UBE2QL1: variants seen among roughly 807,000 people sequenced by gnomAD.
UBE2QL1 encodes ubiquitin-conjugating enzyme E2Q-like protein 1.
UBE2QL1 carries 5 observed loss-of-function variants against 12.6 expected under a neutral mutation model. The observed-to-expected ratio is 0.40, with a 90% CI of 0.21 to 0.83. The LOEUF (loss-of-function observed/expected upper bound fraction) is 0.83. UBE2QL1 is among the 40% of genes least tolerant of loss of function. The probability of loss-of-function intolerance (pLI) is 0.37; values close to 1 mark genes in which losing one functional copy is unlikely to be tolerated. For synonymous variants in UBE2QL1, 96 were observed against 94.5 expected, an observed-to-expected ratio of 1.02 and a Z score of -0.10; for missense variants, 99 against 222.6, an observed-to-expected ratio of 0.44 and a Z score of 3.53.
At chr5:6,484,615 G>A (rs1164033267) in intron 1 of UBE2QL1, among the ~76,000 whole-genome samples, 1 of 152,140 alleles carries the variant, frequency 6.6e-6, no homozygotes, top group East Asian at 1.9e-4. Context: ...AGCTGAGCAC[G>A]GAGCAGTCAC....
intron 1 of UBE2QL1, among the ~76,000 whole-genome samples, chr5:6,450,700 C>G (rs1739396650): frequency 6.6e-6 from 1 of 152,194 alleles, no homozygotes; most frequent in African/African-American, 2.4e-5. Flanking sequence ...AAACAAATAG[C>G]ATCCTAACTC....
At chr5:6,459,801 A>C (rs116526057) in intron 1 of UBE2QL1, among the ~76,000 whole-genome samples, 1 of 152,164 alleles carries the variant, frequency 6.6e-6, no homozygotes, top group African/African-American at 2.4e-5. Flanking sequence ...ACATTTGCCT[A>C]TTGGTGACAA....
At chr5:6,482,915 T>A (rs1332495185) in intron 1 of UBE2QL1, among the ~76,000 whole-genome samples, 1 of 152,142 alleles carries the variant, frequency 6.6e-6, no homozygotes, top group Non-Finnish European at 1.5e-5. Flanking sequence ...GGACACCTGC[T>A]CCTGCAGAGA....
intron 1 of UBE2QL1, among the ~76,000 whole-genome samples, chr5:6,471,037 A>G (rs1366059007): frequency 6.6e-6 from 1 of 152,022 alleles, no homozygotes; most frequent in Non-Finnish European, 1.5e-5. Context: ...CATATTTTCT[A>G]TTTTATTCAG....
At chr5:6,459,145 C>T (rs1275675494) in intron 1 of UBE2QL1, among the ~76,000 whole-genome samples, 6 of 152,182 alleles carry the variant, frequency 3.9e-5, no homozygotes, top group Admixed American at 3.9e-4. Flanking sequence ...CTCCAGAGCC[C>T]TGCTGACTTC....
intron 1 of UBE2QL1, among the ~76,000 whole-genome samples, chr5:6,453,142 G>A (rs1432427893): frequency 6.6e-6 from 1 of 152,168 alleles, no homozygotes; most frequent in Non-Finnish European, 1.5e-5. Flanking sequence ...AGAGAACATA[G>A]GATGTTTGAG....
chr5:6,484,811 C>T (rs1436778740), intron 1 of UBE2QL1, among the ~76,000 whole-genome samples: 1 of 151,926 alleles, frequency 6.6e-6, no homozygotes, highest in Admixed American at 6.6e-5. Context: ...CTGGTTAGTG[C>T]TGGGTCGGGT....
Position 6,491,540 on chromosome 5 carries a change from GGATT to G in UBE2QL1, c.*192_*195del, listed in dbSNP as rs1734570350. On this transcript the variant is annotated 3_prime_UTR_variant, in exon 2 of 2. Transcript: ENST00000399816. ...GAGGAAGAGGGAGCAAATGCCGTTC[GGATT>G]ATGTTTCGATTATAAATGAATGATC... 3.1e-6 allele frequency: 2 copies of G among 643,398 alleles called. No homozygotes were observed. Among genetic ancestry groups the G allele is most frequent in the Non-Finnish European group, 4.7e-6 (2 of 428,994 alleles). 39.9% of individuals were successfully genotyped at this position (643,398 alleles called of 1,614,324 possible).
chr5:6,491,236 G>T lies in UBE2QL1; in HGVS notation c.373G>T (p.Ala125Ser). 6.4e-7 allele frequency: 1 copy of T among 1,551,054 alleles called. No individual in the cohort carries two copies. Among genetic ancestry groups the T allele is most frequent in the Non-Finnish European group, 8.7e-7 (1 of 1,146,694 alleles). ...CACGCAGGGACGGATCTGTAGAAAA[G>T]CTGGCAAATCAAAAAAGTCCTTCAG... ...VKGQGRICRK[A>S]GKSKKSFSRK... Residue 125 changes from alanine to serine, a missense_variant, in exon 2 of 2, where the codon GCT becomes TCT. By Grantham distance (99) the Ala-to-Ser change is moderately conservative. Transcript: ENST00000399816.
In UBE2QL1 at chr5:6,492,288, C is replaced by T. The variant is rs548708255; in HGVS notation, c.*939C>T. 6.6e-6 allele frequency: 1 copy of T among 152,326 alleles called. No homozygotes were observed. Among genetic ancestry groups the T allele is most frequent in the African/African-American group, 2.4e-5 (1 of 41,558 alleles). 9.4% of individuals were successfully genotyped at this position (152,326 alleles called of 1,614,324 possible). ...TATCTGTGCTAGTGACAATGAATGT[C>T]AGAACTGCCAAAGGATACCAAGTGA... is the stretch of plus-strand genomic sequence containing the variant. On this transcript the variant is annotated 3_prime_UTR_variant, in exon 2 of 2. Coordinates refer to ENST00000399816, the MANE Select transcript of UBE2QL1 (RefSeq NM_001145161.3).
At chr5:6,463,598 G>GTTGTTGTTA (rs1553988055) in intron 1 of UBE2QL1, among the ~76,000 whole-genome samples, 1 of 137,308 alleles carries the variant, frequency 7.3e-6, no homozygotes, top group African/African-American at 2.7e-5. Context: ...TATTTGTGCT[G>GTTGTTGTTA]TTATTATTAT....
At chr5:6,482,715 G>A (rs1298956727) in intron 1 of UBE2QL1, among the ~76,000 whole-genome samples, 1 of 152,220 alleles carries the variant, frequency 6.6e-6, no homozygotes, top group East Asian at 1.9e-4. Context: ...TGGAGGCCAG[G>A]AGGCTGCTGA....
At chr5:6,458,405 A>C (rs1439604735) in intron 1 of UBE2QL1, among the ~76,000 whole-genome samples, 1 of 152,238 alleles carries the variant, frequency 6.6e-6, no homozygotes, top group Non-Finnish European at 1.5e-5. Context: ...TTTGATCTTG[A>C]AGATCAGACA....
rs1470197126 is a variant in UBE2QL1 at position 6,491,395 on chromosome 5, A to T, written c.*46A>T. ...CGCTCGAGCGCCTGTCCACACACAC[A>T]CCAGTACCCTGACATCTCCTCAATG... On this transcript the variant is annotated 3_prime_UTR_variant, in exon 2 of 2. Transcript: ENST00000399816. The T allele has an allele frequency of 6.6e-7, 1 of 1,508,108 alleles. No homozygotes were observed. The highest frequency in any genetic ancestry group is 1.4e-5 in the African/African-American group (1 of 71,372). The allele number at this position is 1,508,108 out of a possible 1,614,324, so 93.4% of individuals were successfully genotyped here. A position where few individuals can be genotyped will look rare whatever the true frequency, so the allele number is the denominator to read the frequency against.
At chr5:6,472,424 C>T (rs1457594712) in intron 1 of UBE2QL1, among the ~76,000 whole-genome samples, 3 of 152,094 alleles carry the variant, frequency 2.0e-5, no homozygotes, top group East Asian at 3.9e-4. Flanking sequence ...AGCGGCCGAT[C>T]GACACACTTC....
chr5:6,451,217 A>G (rs1001239943), intron 1 of UBE2QL1, among the ~76,000 whole-genome samples: 1 of 148,838 alleles, frequency 6.7e-6, no homozygotes, highest in South Asian at 2.1e-4. Flanking sequence ...GAAAGATGCG[A>G]GAAAACAAAG....
chr5:6,490,141 G>C (rs896572277), intron 1 of UBE2QL1, among the ~76,000 whole-genome samples: 2 of 152,182 alleles, frequency 1.3e-5, no homozygotes, highest in African/African-American at 4.8e-5. Context: ...TAAGTGGAAG[G>C]AAATGTGCCT....
chr5:6,470,717 G>T (rs570877550), intron 1 of UBE2QL1, among the ~76,000 whole-genome samples: 18 of 152,358 alleles, frequency 1.2e-4, no homozygotes, highest in African/African-American at 4.3e-4. Flanking sequence ...GCCCTGTCGG[G>T]TGACAGTTAG....
In UBE2QL1 at chr5:6,491,221, C is replaced by T; in HGVS notation, c.358C>T (p.Arg120Trp). Residue 120 changes from arginine to tryptophan, a missense_variant, in exon 2 of 2, where the codon CGG becomes TGG. By Grantham distance (101) the Arg-to-Trp change is moderately radical. Coordinates refer to ENST00000399816, the MANE Select transcript of UBE2QL1 (RefSeq NM_001145161.3). ...FAASLVKGQG[R>W]ICRKAGKSKK... ...TTTTTCTTCTCATCTCACGCAGGGA[C>T]GGATCTGTAGAAAAGCTGGCAAATC... The T allele has an allele frequency of 6.5e-7, 1 of 1,547,924 alleles. No homozygotes were observed. Among genetic ancestry groups the T allele is most frequent in the Non-Finnish European group, 8.7e-7 (1 of 1,145,446 alleles).
Sources: allele counts gnomAD v4.1 joint callset (sites outside exome capture counted in the v4.1 genomes callset), GRCh38; gene constraint gnomAD v4.1.1; transcripts MANE v1.5; gene names NCBI Gene and HGNC (gene_info 2026-07-23, HGNC 2026-07-21).